TEX15: variants seen among roughly 807,000 people sequenced by gnomAD.
TEX15 encodes the protein testis expressed 15, meiosis and synapsis associated.
A neutral mutation model predicts 237.3 loss-of-function variants in TEX15; 171 were observed. The ratio of observed to expected loss-of-function variants is 0.72; its 90% confidence interval spans 0.64 to 0.82. The LOEUF is 0.82. Ranked by LOEUF, TEX15 falls within the 40% of genes least tolerant of loss-of-function variation. The pLI, the probability that TEX15 is intolerant of heterozygous loss-of-function variation, is 0.00. For missense variants in TEX15, 3,750 were observed against 3,646.5 expected (o/e 1.03, Z -0.73); for synonymous variants, 1,338 against 1,269.8 (o/e 1.05, Z -1.14).
chr8:30,912,394 T>G (rs1448760200), intron 1 of TEX15, among the ~76,000 whole-genome samples: 2 of 142,300 alleles, frequency 1.4e-5, no homozygotes, highest in Admixed American at 6.9e-5. Flanking sequence ...CCACGCGCCC[T>G]GCGCAACGCG....
chr8:30,889,078 T>C (rs1224043500), intron 2 of TEX15, among the ~76,000 whole-genome samples: 2 of 152,234 alleles, frequency 1.3e-5, no homozygotes, highest in Non-Finnish European at 2.9e-5. Flanking sequence ...AATCATGATC[T>C]GTAACAACAG....
intron 7 of TEX15, among the ~76,000 whole-genome samples, chr8:30,851,555 C>A (rs1358267473): frequency 2.0e-5 from 3 of 151,930 alleles, no homozygotes; most frequent in Non-Finnish European, 4.4e-5. Context: ...CGCCTTGAAC[C>A]CGTGAGGCGG....
At chr8:30,857,608 T>A (rs1470401027) in intron 7 of TEX15, among the ~76,000 whole-genome samples, 6 of 152,158 alleles carry the variant, frequency 3.9e-5, no homozygotes, top group Admixed American at 1.3e-4. Context: ...AGATGAAAGA[T>A]GTGACCAGGA....
At chr8:30,833,406 T>A in intron 10 of TEX15, 83 bp from the exon 11 acceptor site, 1 of 1,058,626 alleles carries the variant, frequency 9.4e-7, no homozygotes, top group Non-Finnish European at 1.4e-6. Context: ...AACCTGAGTT[T>A]AAATTACAGC....
rs369215895 is a variant in TEX15 at position 30,847,305 on chromosome 8, A to G, written c.2862T>C (p.Thr954=). 69 of 1,613,852 alleles carry G rather than the reference A, an allele frequency of 4.3e-5. No homozygotes were observed. The highest frequency in any genetic ancestry group is 5.8e-5 in the Non-Finnish European group (69 of 1,179,900). ...GCTCTACACTTCTTCCAGTATTTTC[A>G]GTATCTTTTTGTTTCACGGCACTAA... ...DTISAVKQKD[T]ENTGRSVEHL... Residue 954 remains threonine (T), a synonymous_variant, in exon 8 of 11, where the codon ACT becomes ACC. Transcript: ENST00000643185.
chr8:30,889,847 C>G (rs969104569), intron 2 of TEX15, among the ~76,000 whole-genome samples: 11 of 149,514 alleles, frequency 7.4e-5, no homozygotes, highest in Non-Finnish European at 1.5e-4. Flanking sequence ...AGACCTATAA[C>G]CTTTATATTT....
At chr8:30,906,376 G>A (rs943431354) in intron 1 of TEX15, among the ~76,000 whole-genome samples, 1 of 152,014 alleles carries the variant, frequency 6.6e-6, no homozygotes, top group African/African-American at 2.4e-5. Context: ...ATGAGGTCAG[G>A]AGATCAAGAC....
intron 7 of TEX15, among the ~76,000 whole-genome samples, chr8:30,857,731 G>C (rs1310902410): frequency 6.6e-6 from 1 of 152,142 alleles, no homozygotes; most frequent in African/African-American, 2.4e-5. Flanking sequence ...GTACCTACTA[G>C]TGTAGCAAAA....
chr8:30,858,321 T>C (rs1205762081), intron 7 of TEX15, among the ~76,000 whole-genome samples: 1 of 151,934 alleles, frequency 6.6e-6, no homozygotes, highest in Non-Finnish European at 1.5e-5. Context: ...TTCTTTTTTT[T>C]TTTTTGTTTG....
intron 10 of TEX15, among the ~76,000 whole-genome samples, chr8:30,834,482 T>C (rs111858521): frequency 1.4e-4 from 6 of 42,494 alleles, no homozygotes; most frequent in Non-Finnish European, 1.8e-4. Flanking sequence ...TTTTTTCCCC[T>C]CTTTTATCGT....
intron 3 of TEX15, among the ~76,000 whole-genome samples, chr8:30,883,365 T>C: frequency 7.2e-6 from 1 of 138,420 alleles, no homozygotes; most frequent in South Asian, 2.2e-4. Flanking sequence ...CTTCTCAGTA[T>C]TTTCTTTTTT....
At chr8:30,907,687 T>A (rs1200504780) in intron 1 of TEX15, among the ~76,000 whole-genome samples, 42 of 141,466 alleles carry the variant, frequency 3.0e-4, no homozygotes, top group African/African-American at 7.6e-4. Flanking sequence ...ATATAAAATT[T>A]TATATATAAA....
intron 10 of TEX15, among the ~76,000 whole-genome samples, chr8:30,835,118 A>AT (rs112325418): frequency 0.013 from 1,946 of 151,888 alleles, 43 homozygotes; most frequent in African/African-American, 0.044. Context: ...ATATATATAT[A>AT]TTTTTTGGGA....
intron 3 of TEX15, among the ~76,000 whole-genome samples, chr8:30,880,407 G>A (rs1312400832): frequency 6.6e-6 from 1 of 152,080 alleles, no homozygotes; most frequent in Non-Finnish European, 1.5e-5. Context: ...AAGTATAGTT[G>A]ACTCATGAAC....
intron 4 of TEX15, among the ~76,000 whole-genome samples, chr8:30,869,229 A>G (rs1412228481): frequency 6.6e-6 from 1 of 151,976 alleles, no homozygotes; most frequent in Non-Finnish European, 1.5e-5. Context: ...AATGACAGAC[A>G]CTCTGAGTCT....
chr8:30,912,283 G>C (rs929856142), intron 1 of TEX15, among the ~76,000 whole-genome samples: 3 of 149,706 alleles, frequency 2.0e-5, no homozygotes, highest in Non-Finnish European at 3.0e-5. Context: ...TAGCGCTCCA[G>C]GGTCGCGAGT....
intron 3 of TEX15, among the ~76,000 whole-genome samples, chr8:30,881,482 A>C (rs1485464955): frequency 6.6e-6 from 1 of 151,966 alleles, no homozygotes; most frequent in Non-Finnish European, 1.5e-5. Flanking sequence ...AACCCATTTC[A>C]TTCTTGATAG....
chr8:30,834,472 T>C (rs1287379184), intron 10 of TEX15, among the ~76,000 whole-genome samples: 3 of 97,284 alleles, frequency 3.1e-5, no homozygotes, highest in Non-Finnish European at 9.2e-5. Context: ...GCGTCCAGCC[T>C]TTTTTCCCCT....
intron 3 of TEX15, among the ~76,000 whole-genome samples, chr8:30,881,611 TTTTTATTTTTTTTTATTA>T (rs1387200428): frequency 8.6e-6 from 1 of 116,188 alleles, no homozygotes; most frequent in African/African-American, 6.2e-5. Flanking sequence ...CCATCTTGAC[TTTTTATTTTTTTTTATTA>T]TTTTTTTTTT....
Sources: allele counts gnomAD v4.1 joint callset (sites outside exome capture counted in the v4.1 genomes callset), GRCh38; gene constraint gnomAD v4.1.1; transcripts MANE v1.5; gene names NCBI Gene and HGNC (gene_info 2026-07-23, HGNC 2026-07-21).